Variants in SEL1L3 observed in about 807,000 individuals in gnomAD.
The protein encoded by SEL1L3 is protein sel-1 homolog 3.
In SEL1L3, 76 loss-of-function variants were observed where a neutral mutation model predicts 142.8. The observed-to-expected ratio is 0.53, with a 90% CI of 0.44 to 0.64. The LOEUF is 0.64. SEL1L3 is among the 30% of genes least tolerant of loss of function. The pLI is 0.00. For missense variants in SEL1L3, 1,262 were observed against 1,381.7 expected, an observed-to-expected ratio of 0.91 and a Z score of 1.37; for synonymous variants, 504 against 519.6, an observed-to-expected ratio of 0.97 and a Z score of 0.41.
intron 9 of SEL1L3, among the ~76,000 whole-genome samples, chr4:25,805,600 CA>C (rs779174411): frequency 1.2e-4 from 18 of 152,204 alleles, no homozygotes; most frequent in Non-Finnish European, 1.6e-4. Context: ...CTTCCTTTTA[CA>C]TAATTCTCCC....
the SEL1L3 span, among the ~76,000 whole-genome samples, chr4:25,722,020 A>G: frequency 6.6e-6 from 1 of 152,186 alleles, no homozygotes; most frequent in East Asian, 1.9e-4. Context: ...GAATGGGAGA[A>G]AAGGCATACA....
chr4:25,836,869 A>T (rs949326027), intron 2 of SEL1L3, among the ~76,000 whole-genome samples: 1 of 152,238 alleles, frequency 6.6e-6, no homozygotes, highest in East Asian at 1.9e-4. Flanking sequence ...AAAAAGTTTT[A>T]TTATATAGAG....
the SEL1L3 span, chr4:25,719,431 A>G: frequency 6.6e-6 from 1 of 152,186 alleles, no homozygotes; most frequent in South Asian, 2.1e-4. Context: ...CTATGATTTA[A>G]AAAGTCTGTA....
chr4:25,800,338 G>A (rs1022441678), intron 11 of SEL1L3, among the ~76,000 whole-genome samples: 5 of 152,200 alleles, frequency 3.3e-5, no homozygotes, highest in Non-Finnish European at 4.4e-5. Context: ...AATGAGCTAT[G>A]ACACAACTCT....
chr4:25,832,632 C>T (rs6837515), intron 5 of SEL1L3, among the ~76,000 whole-genome samples: 3 of 152,064 alleles, frequency 2.0e-5, no homozygotes, highest in Non-Finnish European at 4.4e-5. Context: ...AAAAGTTGTA[C>T]ATCTGATTAC....
At chr4:25,738,248 C>T in the SEL1L3 span, among the ~76,000 whole-genome samples, 19 of 152,162 alleles carry the variant, frequency 1.2e-4, no homozygotes, top group East Asian at 3.7e-3. Context: ...GATGCGGAAC[C>T]CATGGGTATG....
intron 9 of SEL1L3, among the ~76,000 whole-genome samples, chr4:25,808,612 T>C (rs1288429059): frequency 1.3e-5 from 2 of 151,886 alleles, no homozygotes; most frequent in African/African-American, 2.4e-5. Flanking sequence ...AGGTAGAAGT[T>C]TGAAAGGGGA....
intron 17 of SEL1L3, among the ~76,000 whole-genome samples, chr4:25,770,077 G>A (rs934882381): frequency 9.9e-5 from 15 of 152,088 alleles, no homozygotes; most frequent in Middle Eastern, 3.2e-3. Flanking sequence ...GCAGTGAGCC[G>A]AGACTGTGCA....
the SEL1L3 span, chr4:25,721,180 A>G: frequency 6.6e-6 from 1 of 151,822 alleles, no homozygotes; most frequent in South Asian, 2.1e-4. Flanking sequence ...GATTTGCATG[A>G]GAAGTAACTG....
intron 2 of SEL1L3, among the ~76,000 whole-genome samples, chr4:25,846,919 A>C (rs1321928538): frequency 6.6e-6 from 1 of 150,742 alleles, no homozygotes. Flanking sequence ...TCTCAAAAAA[A>C]AAAAAAAAAA....
At chr4:25,856,624 G>C (rs563265750) in intron 1 of SEL1L3, among the ~76,000 whole-genome samples, 1 of 151,128 alleles carries the variant, frequency 6.6e-6, no homozygotes, top group African/African-American at 2.4e-5. Context: ...CAAAGAAATG[G>C]GCCAGTTAAT....
chr4:25,727,392 A>G, the SEL1L3 span, among the ~76,000 whole-genome samples: 1 of 151,994 alleles, frequency 6.6e-6, no homozygotes, highest in Non-Finnish European at 1.5e-5. Context: ...TTGGAATAGG[A>G]CCACCCTAAA....
intron 8 of SEL1L3, among the ~76,000 whole-genome samples, chr4:25,818,788 T>A (rs563392601): frequency 1.3e-5 from 2 of 152,314 alleles, no homozygotes; most frequent in South Asian, 4.1e-4. Flanking sequence ...GTTGACAGCA[T>A]CATATTTTCC....
chr4:25,817,733 C>A (rs570605748), intron 9 of SEL1L3, among the ~76,000 whole-genome samples: 28 of 152,084 alleles, frequency 1.8e-4, no homozygotes, highest in Non-Finnish European at 3.8e-4. Context: ...CTTGCCAGAT[C>A]TTTGTTTTTT....
chr4:25,792,978 T>G (rs1432739527), intron 11 of SEL1L3, among the ~76,000 whole-genome samples: 1 of 152,238 alleles, frequency 6.6e-6, no homozygotes, highest in African/African-American at 2.4e-5. Context: ...TTTCTGTCAG[T>G]GATATTTCAT....
Position 25,815,069 on chromosome 4 carries a change from A to G in SEL1L3, c.1564+3069T>C, listed in dbSNP as rs114157515. ...CGGTTCTCCCTCCCTGCCATCTCCT[A>G]GGCCAGGGAAAGGCAGGGAGAAGAG... On this transcript the variant is annotated intron_variant, in intron 9 of 23. Transcript: ENST00000399878. Among the ~76,000 whole-genome samples the G allele has an allele frequency of 1.7e-3, 260 of 152,276 alleles. 4 individuals carry two copies. Among genetic ancestry groups the G allele is most frequent in the African/African-American group, 6.1e-3 (253 of 41,558 alleles).
At chr4:25,858,484 A>T (rs143858679) in intron 1 of SEL1L3, among the ~76,000 whole-genome samples, 2 of 152,166 alleles carry the variant, frequency 1.3e-5, no homozygotes, top group Non-Finnish European at 2.9e-5. Flanking sequence ...ATCCTGTACA[A>T]GGCTCTGTCA....
chr4:25,784,485 C>T (rs901125477), intron 13 of SEL1L3, among the ~76,000 whole-genome samples, 195 bp from the exon 14 acceptor site: 1 of 152,178 alleles, frequency 6.6e-6, no homozygotes, highest in East Asian at 1.9e-4. Context: ...ATTTGTGGAG[C>T]AGAAGCAACA....
chr4:25,830,600 A>G (rs1481910977), intron 5 of SEL1L3, among the ~76,000 whole-genome samples: 1 of 152,136 alleles, frequency 6.6e-6, no homozygotes, highest in Non-Finnish European at 1.5e-5. Flanking sequence ...TTCCCTAAGC[A>G]CTGGGAATCA....
Sources: allele counts gnomAD v4.1 joint callset (sites outside exome capture counted in the v4.1 genomes callset), GRCh38; gene constraint gnomAD v4.1.1; transcripts MANE v1.5; gene names NCBI Gene and HGNC (gene_info 2026-07-23, HGNC 2026-07-21).